The following PHAX variants were observed in gnomAD, a reference collection of about 807,000 sequenced individuals.
PHAX encodes phosphorylated adaptor for RNA export, also known as phosphorylated adapter RNA export protein.
PHAX carries 31 observed loss-of-function variants against 41.6 expected under a neutral mutation model. That is an observed-to-expected ratio of 0.75 (90% CI 0.56 to 1.01). The LOEUF (loss-of-function observed/expected upper bound fraction) is 1.01, where lower values mean the gene tolerates loss of function less well. PHAX is among the 50% of genes least tolerant of loss of function. PHAX has a pLI of 0.00. For synonymous variants in PHAX, 175 were observed against 164.9 expected, an observed-to-expected ratio of 1.06 and a Z score of -0.47; for missense variants, 453 against 472.9, an observed-to-expected ratio of 0.96 and a Z score of 0.39.
intron 1 of PHAX, among the ~76,000 whole-genome samples, chr5:126,602,671 G>C (rs949331581): frequency 1.3e-5 from 2 of 152,234 alleles, no homozygotes; most frequent in South Asian, 2.1e-4. Flanking sequence ...CCCATGACTT[G>C]GTAAATAAAC....
At chr5:126,613,166 T>C (rs1290767597) in intron 3 of PHAX, among the ~76,000 whole-genome samples, 1 of 152,100 alleles carries the variant, frequency 6.6e-6, no homozygotes, top group African/African-American at 2.4e-5. Flanking sequence ...CTGTCCAACA[T>C]GGTGAAACCC....
chr5:126,604,273 C>CT, intron 2 of PHAX, 90 bp downstream of exon 2: 6 of 791,578 alleles, frequency 7.6e-6, no homozygotes, highest in African/African-American at 3.5e-5. Flanking sequence ...ATGATATGTT[C>CT]CTTTTTTTTT....
intron 4 of PHAX, among the ~76,000 whole-genome samples, chr5:126,619,997 A>T (rs62392463): frequency 0.033 from 5,074 of 152,260 alleles, 113 homozygotes; most frequent in Non-Finnish European, 0.048. Flanking sequence ...AGCCATACTG[A>T]CTGTAATGCT....
intron 1 of PHAX, among the ~76,000 whole-genome samples, chr5:126,602,590 A>C (rs572745199): frequency 1.3e-5 from 2 of 152,384 alleles, no homozygotes; most frequent in South Asian, 4.1e-4. Context: ...TTGCTTTTGC[A>C]TATAAATGTT....
rs181401802 is a variant in PHAX, at chr5:126,602,996, C to T, written c.97-574C>T. Among the ~76,000 whole-genome samples the T allele has an allele frequency of 6.3e-3, 893 of 141,716 alleles. 1 individual carries two copies. Among genetic ancestry groups the T allele is most frequent in the Non-Finnish European group, 0.011 (713 of 66,580 alleles). 93.0% of individuals were successfully genotyped at this position (141,716 alleles called of 152,430 possible). ...CTCCAGCCTGGGTGACAGAGCAAGACTCCCATCTCAAGAAAAAAAAAAAAA... is the reference window on the plus strand; with the variant it reads ...CTCCAGCCTGGGTGACAGAGCAAGATTCCCATCTCAAGAAAAAAAAAAAAA... On this transcript the variant is annotated intron_variant, in intron 1 of 4. Coordinates refer to ENST00000297540, the MANE Select transcript of PHAX (RefSeq NM_032177.4).
chr5:126,613,596 C>T (rs1374145866), intron 3 of PHAX, among the ~76,000 whole-genome samples: 2 of 151,836 alleles, frequency 1.3e-5, no homozygotes, highest in Admixed American at 6.6e-5. Flanking sequence ...TGGGAGGATC[C>T]CTTGAGCCCA....
At chr5:126,611,545 G>T (rs986399562) in intron 3 of PHAX, among the ~76,000 whole-genome samples, 1 of 152,088 alleles carries the variant, frequency 6.6e-6, no homozygotes, top group Non-Finnish European at 1.5e-5. Context: ...CAGCACTTTG[G>T]GGGGCCAAGG....
rs1752347367 is a variant in PHAX at position 126,626,239 on chromosome 5, A to T, written c.*1395A>T. On this transcript the variant is annotated 3_prime_UTR_variant, in exon 5 of 5. Coordinates refer to ENST00000297540, the MANE Select transcript of PHAX (RefSeq NM_032177.4). ...TAATTTAAAAAAGAAAAAGAAAAAAACATTCCCAGTGGCAGCCTGCCTAAG... is the reference window on the plus strand; with the variant it reads ...TAATTTAAAAAAGAAAAAGAAAAAATCATTCCCAGTGGCAGCCTGCCTAAG... 1 of 152,148 alleles carries T rather than the reference A, an allele frequency of 6.6e-6. No homozygotes were observed. Among genetic ancestry groups the T allele is most frequent in the Non-Finnish European group, 1.5e-5 (1 of 68,046 alleles). The allele number at this position is 152,148 out of a possible 1,614,324, so 9.4% of individuals were successfully genotyped here.
At chr5:126,621,003 TG>T (rs1402883826) in intron 4 of PHAX, among the ~76,000 whole-genome samples, 1 of 152,166 alleles carries the variant, frequency 6.6e-6, no homozygotes, top group Non-Finnish European at 1.5e-5. Context: ...CCCAAAGTGC[TG>T]GAATTACAGG....
intron 4 of PHAX, among the ~76,000 whole-genome samples, chr5:126,617,803 G>A (rs146681277): frequency 2.1e-3 from 313 of 152,196 alleles, no homozygotes; most frequent in African/African-American, 6.9e-3. Flanking sequence ...TTGTAGAGAC[G>A]GGGTCTTGCT....
At chr5:126,619,711 C>T (rs1462711305) in intron 4 of PHAX, among the ~76,000 whole-genome samples, 1 of 151,838 alleles carries the variant, frequency 6.6e-6, no homozygotes, top group Non-Finnish European at 1.5e-5. Flanking sequence ...GGTGTAGACT[C>T]TTTAGTATTT....
intron 4 of PHAX, among the ~76,000 whole-genome samples, chr5:126,619,524 C>T (rs191130251): frequency 1.1e-3 from 165 of 150,344 alleles, no homozygotes; most frequent in African/African-American, 3.7e-3. Context: ...CGCAGTAAGC[C>T]GAGATCACAC....
chr5:126,623,565 TTC>T (rs1452990987), intron 4 of PHAX, among the ~76,000 whole-genome samples: 1 of 152,170 alleles, frequency 6.6e-6, no homozygotes, highest in Non-Finnish European at 1.5e-5. Flanking sequence ...TGTACCCTCC[TTC>T]TCCCTCCTCA....
intron 2 of PHAX, among the ~76,000 whole-genome samples, chr5:126,608,132 A>G (rs1752018784): frequency 6.6e-6 from 1 of 152,206 alleles, no homozygotes; most frequent in Non-Finnish European, 1.5e-5. Flanking sequence ...CTATAATCCA[A>G]TAAGACAAAT....
intron 2 of PHAX, 108 bp from the exon 3 acceptor site, chr5:126,608,256 A>G (rs1752020265): frequency 7.5e-7 from 1 of 1,329,846 alleles, no homozygotes; most frequent in Admixed American, 2.5e-5. Flanking sequence ...AAGATTTAGA[A>G]AACCAAAAGT....
intron 1 of PHAX, among the ~76,000 whole-genome samples, chr5:126,602,799 TC>T (rs1751924308): frequency 6.6e-6 from 1 of 151,840 alleles, no homozygotes; most frequent in Non-Finnish European, 1.5e-5. Flanking sequence ...GGTCAGGAGA[TC>T]GAGACCATCC....
intron 2 of PHAX, among the ~76,000 whole-genome samples, chr5:126,605,230 CAG>C (rs1561678937): frequency 6.6e-6 from 1 of 151,718 alleles, no homozygotes; most frequent in Non-Finnish European, 1.5e-5. Flanking sequence ...GTAGCACAAT[CAG>C]AGCTCATTGA....
chr5:126,605,286 C>T (rs1751971414), intron 2 of PHAX, among the ~76,000 whole-genome samples: 1 of 152,046 alleles, frequency 6.6e-6, no homozygotes, highest in South Asian at 2.1e-4. Flanking sequence ...CTCAACTTCC[C>T]AGATTGCTGG....
Position 126,601,126 on chromosome 5 carries a change from G to A in PHAX, c.96+68G>A, listed in dbSNP as rs922807111. 2.5e-5 allele frequency: 30 copies of A among 1,198,848 alleles called. 1 individual carries two copies. The Middle Eastern group carries it at 5.7e-4, about 23-fold the overall frequency. 74.3% of individuals were successfully genotyped at this position (1,198,848 alleles called of 1,614,324 possible). A position where few individuals can be genotyped will look rare whatever the true frequency, so the allele number is the denominator to read the frequency against. ...GAGCCTGGGCCCCGGGGAGCGCGCA[G>A]GCAGCGGTGAGGGTGAGGGGTGGGA... On this transcript the variant is annotated intron_variant, in intron 1 of 4. Coordinates refer to ENST00000297540, the MANE Select transcript of PHAX (RefSeq NM_032177.4).
Sources: allele counts gnomAD v4.1 joint callset (sites outside exome capture counted in the v4.1 genomes callset), GRCh38; gene constraint gnomAD v4.1.1; transcripts MANE v1.5; gene names NCBI Gene and HGNC (gene_info 2026-07-23, HGNC 2026-07-21).